Variants in ROPN1B observed in about 807,000 individuals in gnomAD.
The protein encoded by ROPN1B is ropporin-1B.
Under a neutral mutation model 23.7 loss-of-function variants are expected in ROPN1B, and 13 were observed. The ratio of observed to expected loss-of-function variants is 0.55; its 90% CI spans 0.36 to 0.87. The LOEUF (loss-of-function observed/expected upper bound fraction) is 0.87. Ranked by LOEUF, ROPN1B falls within the 40% of genes least tolerant of loss-of-function variation. ROPN1B has a pLI of 0.01. For synonymous variants in ROPN1B, 67 were observed against 100.4 expected, an observed-to-expected ratio of 0.67 and a Z score of 1.99; for missense variants, 183 against 249.2, an observed-to-expected ratio of 0.73 and a Z score of 1.79.
intron 1 of ROPN1B, among the ~76,000 whole-genome samples, chr3:125,970,305 C>T (rs73196267): frequency 0.071 from 10,858 of 152,186 alleles, 656 homozygotes; most frequent in African/African-American, 0.17. Flanking sequence ...CCTCCAATTC[C>T]GAACCCAAAC....
chr3:125,972,079 T>C lies in ROPN1B; in HGVS notation c.25T>C (p.Cys9Arg). The change falls in exon 3 of 7, where the codon TGC (cysteine) becomes CGC (arginine). Residue 9 changes from cysteine to arginine, a missense_variant. By Grantham distance (180) the Cys-to-Arg change is radical. Coordinates refer to ENST00000514116, the MANE Select transcript of ROPN1B (RefSeq NM_001308313.2). MAQTDKPT[C>R]IPPELPKMLK... ...AATGGCTCAGACAGATAAGCCAACA[T>C]GCATCCCGCCGGAGCTGCCGAAAAT... 2 of 1,614,208 alleles carry C rather than the reference T, an allele frequency of 1.2e-6. No homozygotes were observed. Among genetic ancestry groups the C allele is most frequent in the South Asian group, 1.1e-5 (1 of 91,086 alleles).
At chr3:125,975,766 C>A (rs564283912) in intron 4 of ROPN1B, 86 bp downstream of exon 4, 39 of 1,261,800 alleles carry the variant, frequency 3.1e-5, no homozygotes, top group South Asian at 2.1e-4. Flanking sequence ...TGTTCTCCTG[C>A]CAGTCAGCTG....
chr3:125,983,065 T>A (rs1580353219), intron 6 of ROPN1B, among the ~76,000 whole-genome samples, 189 bp from the exon 7 acceptor site: 1 of 152,082 alleles, frequency 6.6e-6, no homozygotes, highest in African/African-American at 2.4e-5. Flanking sequence ...GAGGCAGAGG[T>A]TGCAGTGAGC....
Position 125,972,087 on chromosome 3 carries a change from G to A in ROPN1B, c.33G>A (p.Pro11=), listed in dbSNP as rs756120052. The change falls in exon 3 of 7, where the codon CCG becomes CCA. Residue 11 remains proline (P), a synonymous_variant. Transcript: ENST00000514116. MAQTDKPTCI[P]PELPKMLKEF... ...AGACAGATAAGCCAACATGCATCCC[G>A]CCGGAGCTGCCGAAAATGCTGAAGG... 10 of 1,614,158 alleles carry A rather than the reference G, an allele frequency of 6.2e-6. No homozygotes were observed. The highest frequency in any genetic ancestry group is 7.6e-6 in the Non-Finnish European group (9 of 1,180,030).
At chr3:125,972,896 C>T in intron 3 of ROPN1B, 3 of 361,140 alleles carry the variant, frequency 8.3e-6, no homozygotes, top group South Asian at 6.2e-5. Context: ...TCAGGAGAGA[C>T]CTCCAGAGGC....
At chr3:125,975,876 C>T (rs1938392189) in intron 4 of ROPN1B, among the ~76,000 whole-genome samples, 196 bp downstream of exon 4, 1 of 152,184 alleles carries the variant, frequency 6.6e-6, no homozygotes, top group African/African-American at 2.4e-5. Flanking sequence ...CAGGCTGAGT[C>T]ATTGGTGGGG....
chr3:125,971,962 G>C (rs1938222755), intron 2 of ROPN1B, 81 bp from the exon 3 acceptor site: 2 of 1,318,234 alleles, frequency 1.5e-6, no homozygotes, highest in Admixed American at 2.4e-5. Flanking sequence ...TCAAACAGAG[G>C]CTGGGTGACC....
intron 4 of ROPN1B, among the ~76,000 whole-genome samples, chr3:125,976,247 C>T (rs567915790): frequency 7.0e-4 from 107 of 152,316 alleles, no homozygotes; most frequent in Non-Finnish European, 1.3e-3. Context: ...TGATCCAGGA[C>T]AGAGCGGTTT....
chr3:125,979,901 C>T lies in ROPN1B; in HGVS notation c.397-2369C>T, dbSNP rs568414206. On this transcript the variant is annotated intron_variant, in intron 5 of 6. Coordinates refer to ENST00000514116, the MANE Select transcript of ROPN1B (RefSeq NM_001308313.2). ...ACACATTATTCAGAATGCGATGGCA[C>T]ACAGACCTGTATTCCTCCCCCCTTC... is the stretch of plus-strand genomic sequence containing the variant. Among the ~76,000 whole-genome samples the T allele has an allele frequency of 1.4e-4, 21 of 152,378 alleles. 1 individual carries two copies. Among genetic ancestry groups the T allele is most frequent in the African/African-American group, 4.3e-4 (18 of 41,586 alleles).
Position 125,982,433 on chromosome 3 carries a change from T to C in ROPN1B, c.560T>C (p.Ile187Thr), listed in dbSNP as rs774506967. Residue 187 changes from isoleucine (I) to threonine (T), a missense_variant, in exon 6 of 7, where the codon ATT becomes ACT. By Grantham distance (89) the Ile-to-Thr change is moderately conservative. Around this residue, in one of 3 missense-constraint regions of ROPN1B, gnomAD observed 80 missense variants for 98.0 expected, o/e 0.82. Coordinates refer to ENST00000514116, the MANE Select transcript of ROPN1B (RefSeq NM_001308313.2). The stretch of plus-strand genomic sequence containing the variant: ...CATGTCAGCAGGATGCTAAACTACA[T>C]TGAACAGGAAGTGTAAGTTAACTTT... ...ASHVSRMLNY[I>T]EQEVIGPDGL... 3 of 1,597,148 alleles carry C rather than the reference T, an allele frequency of 1.9e-6. No individual in the cohort carries two copies. The highest frequency in any genetic ancestry group is 2.2e-5 in the East Asian group (1 of 44,514).
At chr3:125,975,420 T>C (rs1428924011) in intron 3 of ROPN1B, 143 bp from the exon 4 acceptor site, 1 of 700,584 alleles carries the variant, frequency 1.4e-6, no homozygotes, top group African/African-American at 1.8e-5. Flanking sequence ...GTAAGTGAAC[T>C]AAACACAATG....
Position 125,972,090 on chromosome 3 carries a change from G to A in ROPN1B, c.36G>A (p.Pro12=). Residue 12 remains proline (P), a synonymous_variant, in exon 3 of 7, where the codon CCG becomes CCA. Transcript: ENST00000514116. ...AQTDKPTCIP[P]ELPKMLKEFA... Reference sequence around the variant, plus strand: ...CAGATAAGCCAACATGCATCCCGCCGGAGCTGCCGAAAATGCTGAAGGAGT... The same window carrying A: ...CAGATAAGCCAACATGCATCCCGCCAGAGCTGCCGAAAATGCTGAAGGAGT... 1.9e-6 allele frequency: 3 copies of A among 1,614,172 alleles called. No homozygotes were observed. Among genetic ancestry groups the A allele is most frequent in the East Asian group, 2.2e-5 (1 of 44,878 alleles).
Position 125,982,388 on chromosome 3 carries a change from A to G in ROPN1B, c.515A>G (p.Asp172Gly). ...QFLYTYIAEV[D>G]GEICASHVSR... ...CTCTACACGTATATTGCCGAAGTGGATGGGGAGATCTGTGCATCACATGTC... is the reference window on the plus strand; with the variant it reads ...CTCTACACGTATATTGCCGAAGTGGGTGGGGAGATCTGTGCATCACATGTC... Residue 172 changes from aspartate to glycine, a missense_variant, in exon 6 of 7, where the codon GAT becomes GGT. Asp to Gly is a moderately conservative substitution (Grantham distance 94). Coordinates refer to ENST00000514116, the MANE Select transcript of ROPN1B (RefSeq NM_001308313.2). The G allele has an allele frequency of 6.2e-7, 1 of 1,613,390 alleles. No homozygotes were observed. The highest frequency in any genetic ancestry group is 8.5e-7 in the Non-Finnish European group (1 of 1,179,804).
chr3:125,975,980 C>G (rs1011699075), intron 4 of ROPN1B, among the ~76,000 whole-genome samples: 1 of 146,540 alleles, frequency 6.8e-6, no homozygotes, highest in African/African-American at 2.5e-5. Context: ...CTCAGTCACT[C>G]GACAGTGTCT....
intron 1 of ROPN1B, among the ~76,000 whole-genome samples, chr3:125,970,394 C>T (rs1938153703): frequency 6.6e-6 from 1 of 152,152 alleles, no homozygotes; most frequent in Non-Finnish European, 1.5e-5. Flanking sequence ...GCCTTTCATT[C>T]ATGTAATGGA....
At chr3:125,979,041 A>G (rs1411979256) in intron 5 of ROPN1B, among the ~76,000 whole-genome samples, 1 of 152,150 alleles carries the variant, frequency 6.6e-6, no homozygotes, top group African/African-American at 2.4e-5. Flanking sequence ...CATGAGATTC[A>G]TCTACCTCTG....
chr3:125,970,559 G>A (rs2107596651), intron 1 of ROPN1B, among the ~76,000 whole-genome samples: 1 of 152,234 alleles, frequency 6.6e-6, no homozygotes, highest in South Asian at 2.1e-4. Context: ...TGGGAGGCAT[G>A]TTTTGTTTGC....
intron 5 of ROPN1B, among the ~76,000 whole-genome samples, chr3:125,980,855 C>A (rs1938588327): frequency 6.6e-6 from 1 of 152,138 alleles, no homozygotes; most frequent in Admixed American, 6.6e-5. Context: ...CACTCACAAG[C>A]ATGACTTACC....
chr3:125,978,468 C>CA (rs1458040455), intron 5 of ROPN1B, among the ~76,000 whole-genome samples: 1 of 152,176 alleles, frequency 6.6e-6, no homozygotes, highest in Non-Finnish European at 1.5e-5. Flanking sequence ...GTAACTGAAA[C>CA]AGCCTAAAGG....
Sources: allele counts gnomAD v4.1 joint callset (sites outside exome capture counted in the v4.1 genomes callset), GRCh38; gene constraint gnomAD v4.1.1; regional missense constraint gnomAD v4.1.1; transcripts MANE v1.5; gene names NCBI Gene and HGNC (gene_info 2026-07-23, HGNC 2026-07-21).